Variants in PIK3R2 observed in about 807,000 individuals in gnomAD.
PIK3R2 encodes phosphatidylinositol 3-kinase regulatory subunit beta.
PIK3R2 carries 40 observed loss-of-function variants against 78.5 expected under a neutral mutation model. That is an observed-to-expected ratio of 0.51 (90% CI 0.40 to 0.66). PIK3R2 has a LOEUF of 0.66. Ranked by LOEUF, PIK3R2 falls within the 30% of genes least tolerant of loss-of-function variation. The pLI is 0.00. For synonymous variants in PIK3R2, 473 were observed against 457.7 expected (o/e 1.03, Z -0.43); for missense variants, 880 against 1,026.6 (o/e 0.86, Z 1.95).
At chr19:18,166,439 G>A (rs1332914855) in intron 12 of PIK3R2, 137 bp downstream of exon 12, 12 of 712,844 alleles carry the variant, frequency 1.7e-5, no homozygotes, top group South Asian at 5.4e-5. Flanking sequence ...GGCCTGGTGC[G>A]ATGGCTCAGG....
At chr19:18,169,007 G>C in intron 15 of PIK3R2, 80 bp from the exon 16 acceptor site, 1 of 1,556,666 alleles carries the variant, frequency 6.4e-7, no homozygotes. Flanking sequence ...ATCCGGGACA[G>C]GGGAGCACGC....
At chr19:18,163,637 A>C (rs2043776232) in intron 11 of PIK3R2, among the ~76,000 whole-genome samples, 1 of 152,134 alleles carries the variant, frequency 6.6e-6, no homozygotes, top group African/African-American at 2.4e-5. Context: ...CCTTCTAGGC[A>C]ACATAGGGAG....
chr19:18,161,007 G>C lies in PIK3R2; in HGVS notation c.466+38G>C, dbSNP rs754759764. The C allele has an allele frequency of 6.2e-6, 10 of 1,612,124 alleles. No homozygotes were observed. The highest frequency in any genetic ancestry group is 8.5e-6 in the Non-Finnish European group (10 of 1,179,508). The stretch of plus-strand genomic sequence containing the variant: ...CTCAATGGGGTTGGGAGGAGGCTGG[G>C]GGCCCCAGTACACATGAGTTGGACG... On this transcript the variant is annotated intron_variant, in intron 4 of 15. Transcript: ENST00000222254. This position sits in a 1 kb window ranked among gnomAD's most constrained non-coding sequence, Gnocchi z 5.3.
chr19:18,168,646 AGTT>A lies in PIK3R2; in HGVS notation c.1809-77_1809-75del, dbSNP rs1439913586. 5.6e-6 allele frequency: 7 copies of A among 1,248,468 alleles called. No homozygotes were observed. The East Asian group carries it at 1.6e-4, about 29-fold the overall frequency. 77.3% of individuals were successfully genotyped at this position (1,248,468 alleles called of 1,614,324 possible). On this transcript the variant is annotated intron_variant, in intron 14 of 15. Coordinates refer to ENST00000222254, the MANE Select transcript of PIK3R2 (RefSeq NM_005027.4). The surrounding 1 kb of genome is among the most constrained non-coding windows in gnomAD (Gnocchi z 4.1). ...GAGTAGGAGTTCACCAGGGAGGAAAAGTTGTCCAGGCAGCTGGGGAGCCTCGGA... is the reference window on the plus strand; with the variant it reads ...GAGTAGGAGTTCACCAGGGAGGAAAAGTCCAGGCAGCTGGGGAGCCTCGGA...
intron 3 of PIK3R2, 74 bp from the exon 4 acceptor site, chr19:18,160,845 T>G: frequency 1.3e-6 from 2 of 1,530,680 alleles, no homozygotes; most frequent in Non-Finnish European, 1.8e-6. Context: ...GCAGGGGGGT[T>G]GAGCGGCCAG....
Position 18,153,279 on chromosome 19 carries a change from T to TGGCGGCCGC in PIK3R2, c.-437_-429dup, listed in dbSNP as rs2043632534. The TGGCGGCCGC allele has an allele frequency of 6.5e-6, 1 of 154,868 alleles. No homozygotes were observed. The highest frequency in any genetic ancestry group is 1.4e-5 in the Non-Finnish European group (1 of 69,726). 9.6% of individuals were successfully genotyped at this position (154,868 alleles called of 1,614,324 possible). On this transcript the variant is annotated 5_prime_UTR_variant, in exon 1 of 16. Coordinates refer to ENST00000222254, the MANE Select transcript of PIK3R2 (RefSeq NM_005027.4). Reference sequence around the variant, plus strand: ...GGTGTGACGGCGGCTGCGGCGGCGGTGGCGGCCGCGACCAGGTGAGTCCTG... The same window carrying TGGCGGCCGC: ...GGTGTGACGGCGGCTGCGGCGGCGGTGGCGGCCGCGGCGGCCGCGACCAGGTGAGTCCTG...
rs186116901 is a variant in PIK3R2, at chr19:18,160,266, A to C, written c.323-205A>C. Among the ~76,000 whole-genome samples, 489 of 152,290 alleles carry C rather than the reference A, an allele frequency of 3.2e-3. 2 individuals carry two copies. Among genetic ancestry groups the C allele is most frequent in the African/African-American group, 0.011 (476 of 41,552 alleles). ...GAACTCCTCATATTCTAACCCAGAA[A>C]ATTGTGTCCCATCAATTCTGCCCTT... On this transcript the variant is annotated intron_variant, in intron 2 of 15. Coordinates refer to ENST00000222254, the MANE Select transcript of PIK3R2 (RefSeq NM_005027.4).
intron 1 of PIK3R2, among the ~76,000 whole-genome samples, chr19:18,154,266 GGCTGGGACT>G (rs2043654352): frequency 6.6e-6 from 1 of 152,112 alleles, no homozygotes; most frequent in Non-Finnish European, 1.5e-5. Flanking sequence ...CGCCTCCCCA[GGCTGGGACT>G]CCTGGGGAAT....
chr19:18,160,816 TGGGCAGCAAA>T, intron 3 of PIK3R2, 93 bp from the exon 4 acceptor site: 1 of 1,334,468 alleles, frequency 7.5e-7, no homozygotes, highest in East Asian at 2.5e-5. Context: ...CCCTTATCTC[TGGGCAGCAAA>T]GGGAGACTGC....
chr19:18,156,725 A>G lies in PIK3R2; in HGVS notation c.322+524A>G, dbSNP rs971659209. On this transcript the variant is annotated intron_variant, in intron 2 of 15. Coordinates refer to ENST00000222254, the MANE Select transcript of PIK3R2 (RefSeq NM_005027.4). This position sits in a 1 kb window ranked among gnomAD's most constrained non-coding sequence, Gnocchi z 4.2. ...AGACCCTGATTTCCAAAATGAAGCCACAAGGAGGGTAGGATGTGGGCTGCT... is the reference window on the plus strand; with the variant it reads ...AGACCCTGATTTCCAAAATGAAGCCGCAAGGAGGGTAGGATGTGGGCTGCT... Among the ~76,000 whole-genome samples the G allele has an allele frequency of 6.6e-6, 1 of 152,182 alleles. No individual in the cohort carries two copies. The highest frequency in any genetic ancestry group is 1.5e-5 in the Non-Finnish European group (1 of 68,026).
intron 11 of PIK3R2, among the ~76,000 whole-genome samples, chr19:18,164,994 G>A (rs1332697751): frequency 2.0e-5 from 3 of 150,544 alleles, no homozygotes; most frequent in Non-Finnish European, 4.4e-5. Context: ...TTGGGAGGCC[G>A]AGGCAGGCAG....
At chr19:18,162,078 C>G (rs1439017026) in intron 7 of PIK3R2, 27 bp downstream of exon 7, 1 of 1,603,858 alleles carries the variant, frequency 6.2e-7, no homozygotes, top group Non-Finnish European at 8.5e-7. Context: ...GCTGTCATTT[C>G]TTCCCGTTGG....
Position 18,162,267 on chromosome 19 carries a change from C to T in PIK3R2, c.967C>T (p.Pro323Ser), listed in dbSNP as rs1261933007. The part of the protein sequence containing the change: ...STVLANGGSP[P>S]SLQDAEWYWG... Reference sequence around the variant, plus strand: ...AGTCCTGGCCAATGGAGGGAGCCCACCCTCCCTGCAGGATGCTGAGTGGTA... The same window carrying T: ...AGTCCTGGCCAATGGAGGGAGCCCATCCTCCCTGCAGGATGCTGAGTGGTA... Residue 323 changes from proline to serine, a missense_variant, in exon 8 of 16, where the codon CCC becomes TCC. By Grantham distance (74) the Pro-to-Ser change is moderately conservative. Around this residue, in one of 3 missense-constraint regions of PIK3R2, gnomAD observed 456 missense variants for 486.6 expected, o/e 0.94. Transcript: ENST00000222254. 6.2e-7 allele frequency: 1 copy of T among 1,610,984 alleles called. No homozygotes were observed. The highest frequency in any genetic ancestry group is 1.1e-5 in the South Asian group (1 of 90,988).
At chr19:18,166,114 C>T in intron 11 of PIK3R2, 46 bp from the exon 12 acceptor site, 1 of 1,612,708 alleles carries the variant, frequency 6.2e-7, no homozygotes, top group Non-Finnish European at 8.5e-7. Flanking sequence ...TCACGAGGGC[C>T]TTTTGGGGAG....
At position 18,156,148 on chromosome 19, in the gene PIK3R2, C is replaced by A. The variant is rs1468221179; in HGVS notation, c.269C>A (p.Pro90Gln). The stretch of plus-strand genomic sequence containing the variant: ...GCCCTGGCCCGGCCCGGCCCTCGCC[C>A]ACGGGGCCCCCGCCCACTGCCCGCC... ...PVALARPGPR[P>Q]RGPRPLPARP... The change falls in exon 2 of 16, where the codon CCA becomes CAA. Residue 90 changes from proline (P) to glutamine (Q), a missense_variant. Physicochemically the swap from Pro to Gln is moderately conservative, Grantham distance 76. This residue lies in a region of PIK3R2 where 456 missense variants were observed against 486.6 expected (regional missense o/e 0.94). Coordinates refer to ENST00000222254, the MANE Select transcript of PIK3R2 (RefSeq NM_005027.4). The surrounding 1 kb of genome is among the most constrained non-coding windows in gnomAD (Gnocchi z 4.2). 1.4e-6 allele frequency: 2 copies of A among 1,468,330 alleles called. No individual in the cohort carries two copies. Among genetic ancestry groups the A allele is most frequent in the Middle Eastern group, 1.8e-4 (1 of 5,514 alleles). The allele number at this position is 1,468,330 out of a possible 1,614,324, so 91.0% of individuals were successfully genotyped here.
intron 2 of PIK3R2, among the ~76,000 whole-genome samples, chr19:18,159,888 C>T (rs1158460108): frequency 2.6e-5 from 4 of 151,554 alleles, no homozygotes; most frequent in Non-Finnish European, 5.9e-5. Flanking sequence ...ATTACAGGCA[C>T]CCACCACCAC....
At chr19:18,164,806 T>C (rs1445685653) in intron 11 of PIK3R2, among the ~76,000 whole-genome samples, 1 of 150,504 alleles carries the variant, frequency 6.6e-6, no homozygotes, top group Non-Finnish European at 1.5e-5. Context: ...TGGCTAATTT[T>C]TGTATTTTTA....
Position 18,161,600 on chromosome 19 carries a change from T to G in PIK3R2, c.815+105T>G. 4.4e-6 allele frequency: 2 copies of G among 451,102 alleles called. No individual in the cohort carries two copies. Among genetic ancestry groups the G allele is most frequent in the South Asian group, 5.5e-5 (1 of 18,030 alleles). 27.9% of individuals were successfully genotyped at this position (451,102 alleles called of 1,614,324 possible). A position where few individuals can be genotyped will look rare whatever the true frequency, so the allele number is the denominator to read the frequency against. ...GTCTAGACCCTAAGAAGGGAGGGGA[T>G]GGGGTCCAGAGTGAGAAGCTGCGTT... On this transcript the variant is annotated intron_variant, in intron 6 of 15. Transcript: ENST00000222254. This position sits in a 1 kb window ranked among gnomAD's most constrained non-coding sequence, Gnocchi z 5.3.
In PIK3R2 at chr19:18,160,980, G is replaced by T. The variant is rs376952388; in HGVS notation, c.466+11G>T. On this transcript the variant is annotated intron_variant, in intron 4 of 15. Transcript: ENST00000222254. ...CCGCACCGCGTACAGGTGAAGGGGAGCCTCAATGGGGTTGGGAGGAGGCTG... is the reference window on the plus strand; with the variant it reads ...CCGCACCGCGTACAGGTGAAGGGGATCCTCAATGGGGTTGGGAGGAGGCTG... 89 of 1,612,792 alleles carry T rather than the reference G, an allele frequency of 5.5e-5. 1 individual carries two copies. Among genetic ancestry groups the T allele is most frequent in the Middle Eastern group, 4.9e-4 (3 of 6,068 alleles).
Sources: allele counts gnomAD v4.1 joint callset (sites outside exome capture counted in the v4.1 genomes callset), GRCh38; gene constraint gnomAD v4.1.1; regional missense constraint gnomAD v4.1.1; non-coding constraint Gnocchi (gnomAD v3.1); transcripts MANE v1.5; gene names NCBI Gene and HGNC (gene_info 2026-07-23, HGNC 2026-07-21).